The following TCOF1 variants were observed in gnomAD, a reference collection of about 807,000 sequenced individuals.
The protein encoded by TCOF1 is treacle protein.
In TCOF1, 33 loss-of-function variants were observed where a neutral mutation model predicts 149.0. The ratio of observed to expected loss-of-function variants is 0.22; its 90% confidence interval spans 0.17 to 0.30. The LOEUF is 0.30. TCOF1 is among the 10% of genes least tolerant of loss of function. TCOF1 has a pLI of 1.00. For missense variants in TCOF1, 1,728 were observed against 1,840.7 expected, an observed-to-expected ratio of 0.94 and a Z score of 1.12; for synonymous variants, 789 against 738.8, an observed-to-expected ratio of 1.07 and a Z score of -1.10.
At chr5:150,386,137 C>A (rs540603689) in intron 17 of TCOF1, among the ~76,000 whole-genome samples, 119 of 152,348 alleles carry the variant, frequency 7.8e-4, no homozygotes, top group African/African-American at 2.8e-3. Context: ...TAATGCCCCG[C>A]CCCAACCCCC....
chr5:150,389,790 G>C, intron 18 of TCOF1, 97 bp from the exon 19 acceptor site: 1 of 1,601,936 alleles, frequency 6.2e-7, no homozygotes, highest in Non-Finnish European at 8.5e-7. Context: ...CACAGCTCTA[G>C]ATCACCAGCA....
chr5:150,367,727 C>A, intron 3 of TCOF1, 117 bp from the exon 4 acceptor site: 1 of 1,203,372 alleles, frequency 8.3e-7, no homozygotes, highest in Non-Finnish European at 1.2e-6. Flanking sequence ...CTCAGATCCT[C>A]ATGCCAGCAC....
chr5:150,387,870 A>G (rs569197989), intron 17 of TCOF1, 32 bp from the exon 18 acceptor site: 1 of 1,613,124 alleles, frequency 6.2e-7, no homozygotes, highest in African/African-American at 1.3e-5. Flanking sequence ...GCCTTTAATC[A>G]CTGGGGGGGT....
At chr5:150,383,762 T>C (rs1404696994) in intron 17 of TCOF1, 2 of 1,551,826 alleles carry the variant, frequency 1.3e-6, no homozygotes, top group African/African-American at 2.7e-5. Flanking sequence ...TTGAATCCCA[T>C]GAGCTCTGCC....
At chr5:150,393,043 T>C (rs969182503) in intron 22 of TCOF1, 10 of 597,080 alleles carry the variant, frequency 1.7e-5, no homozygotes, top group African/African-American at 1.7e-4. Context: ...TGATTCTGGG[T>C]GATGTCCGGA....
intron 19 of TCOF1, among the ~76,000 whole-genome samples, chr5:150,390,849 T>G (rs544455998): frequency 6.6e-6 from 1 of 152,254 alleles, no homozygotes; most frequent in Non-Finnish European, 1.5e-5. Context: ...GGACAAGGAA[T>G]TCCCAGGCCA....
intron 18 of TCOF1, 121 bp downstream of exon 18, chr5:150,388,209 G>C: frequency 1.5e-6 from 2 of 1,358,074 alleles, no homozygotes; most frequent in Non-Finnish European, 2.0e-6. Flanking sequence ...GGGGCTTGGG[G>C]TCAGGTCTCT....
intron 17 of TCOF1, chr5:150,380,282 A>AC: frequency 1.2e-5 from 2 of 171,656 alleles, no homozygotes; most frequent in South Asian, 1.3e-4. Context: ...GTCTATATCT[A>AC]GGTCGAGGTC....
rs751634859 is a variant in TCOF1, at chr5:150,396,701, G to A, written c.4204G>A (p.Glu1402Lys). 44 of 1,612,712 alleles carry A rather than the reference G, an allele frequency of 2.7e-5. No individual in the cohort carries two copies. Among genetic ancestry groups the A allele is most frequent in the Non-Finnish European group, 3.7e-5 (44 of 1,179,594 alleles). ...KRDKASGDVK[E>K]KKGKGSLGSQ... ...AGACAAAGCAAGTGGTGATGTCAAG[G>A]AGAAGAAAGGGAAGGGGTCTCTTGG... The change falls in exon 24 of 27, where the codon GAG becomes AAG. Residue 1402 changes from glutamate to lysine, a missense_variant. Coordinates refer to ENST00000643257, the MANE Select transcript of TCOF1 (RefSeq NM_001371623.1).
chr5:150,386,860 G>A (rs1766405846), intron 17 of TCOF1, among the ~76,000 whole-genome samples: 3 of 152,230 alleles, frequency 2.0e-5, no homozygotes, highest in Admixed American at 2.0e-4. Flanking sequence ...GGATGGTGCA[G>A]TTCAAAACCA....
intron 6 of TCOF1, among the ~76,000 whole-genome samples, chr5:150,371,281 C>T (rs958404282): frequency 9.2e-5 from 14 of 152,280 alleles, no homozygotes; most frequent in Admixed American, 6.5e-4. Flanking sequence ...CTCCACCTTC[C>T]GTCCTCACCC....
In TCOF1 at chr5:150,376,145, T is replaced by A; in HGVS notation, c.1957T>A (p.Ser653Thr). 1 of 1,614,192 alleles carries A rather than the reference T, an allele frequency of 6.2e-7. No individual in the cohort carries two copies. The highest frequency in any genetic ancestry group is 1.1e-5 in the South Asian group (1 of 91,092). Reference protein sequence around the residue: ...ACPKKTNTTASAKVAPVRVGT... With the variant: ...ACPKKTNTTATAKVAPVRVGT... ...CCCAAAGAAAACCAATACCACTGCA[T>A]CTGCCAAGGTCGCCCCTGTGCGAGT... Residue 653 changes from serine (S) to threonine (T), a missense_variant, in exon 13 of 27, where the codon TCT (serine) becomes ACT (threonine). Physicochemically the swap from Ser to Thr is moderately conservative, Grantham distance 58. Transcript: ENST00000643257.
intron 15 of TCOF1, 77 bp downstream of exon 15, chr5:150,379,119 A>T (rs1764455412): frequency 6.2e-7 from 1 of 1,613,856 alleles, no homozygotes; most frequent in Non-Finnish European, 8.5e-7. Flanking sequence ...CCCAGCCAGG[A>T]GAAGGTGCGT....
Position 150,396,287 on chromosome 5 carries a change from A to G in TCOF1, c.3790A>G (p.Lys1264Glu), listed in dbSNP as rs886734486. ...CCCACATTCTCTCTCCATAGGTGGAAAAGAGGCTGCTTCAGGCACCACACC... is the reference window on the plus strand; with the variant it reads ...CCCACATTCTCTCTCCATAGGTGGAGAAGAGGCTGCTTCAGGCACCACACC... ...AGMLSPKTGGKEAASGTTPQK... is the reference protein window; with the variant it reads ...AGMLSPKTGGEEAASGTTPQK... The change falls in exon 24 of 27, where the codon AAA becomes GAA. Residue 1264 changes from lysine (K) to glutamate (E), a missense_variant. Around this residue, in one of 2 missense-constraint regions of TCOF1, gnomAD observed 1,696 missense variants for 1,765.4 expected, o/e 0.96. Coordinates refer to ENST00000643257, the MANE Select transcript of TCOF1 (RefSeq NM_001371623.1). The G allele has an allele frequency of 6.2e-7, 1 of 1,614,056 alleles. No individual in the cohort carries two copies. Among genetic ancestry groups the G allele is most frequent in the Non-Finnish European group, 8.5e-7 (1 of 1,180,032 alleles).
At chr5:150,371,535 G>A (rs962924846) in intron 6 of TCOF1, among the ~76,000 whole-genome samples, 5 of 152,208 alleles carry the variant, frequency 3.3e-5, no homozygotes, top group African/African-American at 7.2e-5. Context: ...GTGTAGGAAA[G>A]AGCTCACAGA....
At chr5:150,398,875 C>A in intron 25 of TCOF1, 147 bp from the exon 26 acceptor site, 2 of 1,121,430 alleles carry the variant, frequency 1.8e-6, no homozygotes, top group Non-Finnish European at 2.7e-6. Flanking sequence ...TTTAGGAGAG[C>A]TGAACATCTG....
intron 8 of TCOF1, 69 bp downstream of exon 8, chr5:150,374,455 T>A: frequency 6.5e-7 from 1 of 1,548,850 alleles, no homozygotes; most frequent in South Asian, 1.2e-5. Flanking sequence ...GGACTTGTTC[T>A]CCCACTCTGG....
At chr5:150,367,434 G>A in intron 3 of TCOF1, 1 of 225,864 alleles carries the variant, frequency 4.4e-6, no homozygotes, top group Non-Finnish European at 9.0e-6. Flanking sequence ...CCTGAGGCTG[G>A]CTGCCTGCCT....
rs1764475208 is a variant in TCOF1 at position 150,379,212 on chromosome 5, AT to A, written c.2479-16del. ...AATCACTTTTGCCTCCAATACTATT[AT>A]CCCCCTGCAATTCAGGTGAAGCCAC... On this transcript the variant is annotated splice_polypyrimidine_tract_variant and intron_variant, in intron 15 of 26. Coordinates refer to ENST00000643257, the MANE Select transcript of TCOF1 (RefSeq NM_001371623.1). 1 of 1,614,176 alleles carries A rather than the reference AT, an allele frequency of 6.2e-7. No homozygotes were observed.
Sources: gnomAD v4.1 joint callset for allele counts (sites outside exome capture counted in the v4.1 genomes callset) on GRCh38, gnomAD v4.1.1 for gene constraint, gnomAD v4.1.1 regional missense constraint, MANE v1.5 for transcripts, NCBI Gene and HGNC (gene_info 2026-07-23, HGNC 2026-07-21) for gene names.